Variants in MACROD2 observed in about 807,000 individuals in gnomAD.
MACROD2 encodes the protein mono-ADP ribosylhydrolase 2.
Under a neutral mutation model 70.4 loss-of-function variants are expected in MACROD2, and 36 were observed. The ratio of observed to expected loss-of-function variants is 0.51; its 90% CI spans 0.39 to 0.68. The LOEUF (loss-of-function observed/expected upper bound fraction) is 0.68. Among genes scored for constraint, MACROD2 ranks in the 30% least tolerant of loss-of-function variants. The pLI, the probability that MACROD2 is intolerant of heterozygous loss-of-function variation, is 0.00. For synonymous variants in MACROD2, 172 were observed against 178.8 expected, an observed-to-expected ratio of 0.96 and a Z score of 0.30; for missense variants, 496 against 538.4, an observed-to-expected ratio of 0.92 and a Z score of 0.78.
intron 5 of MACROD2, among the ~76,000 whole-genome samples, chr20:14,899,721 G>A (rs996181160): frequency 4.6e-5 from 7 of 152,118 alleles, no homozygotes; most frequent in Admixed American, 1.3e-4. Context: ...GGGGGAACAC[G>A]ATTCAACCCA....
chr20:14,173,048 A>G (rs1173741531), intron 3 of MACROD2, among the ~76,000 whole-genome samples: 1 of 152,166 alleles, frequency 6.6e-6, no homozygotes, highest in African/African-American at 2.4e-5. Flanking sequence ...TAGTTACCTG[A>G]TGCTTTTGCC....
intron 7 of MACROD2, among the ~76,000 whole-genome samples, chr20:15,450,435 T>A (rs927476435): frequency 3.9e-5 from 6 of 152,188 alleles, no homozygotes; most frequent in African/African-American, 9.6e-5. Context: ...TATAAGGTAA[T>A]TTTTTATGAT....
At chr20:14,374,618 A>G (rs1002737396) in intron 3 of MACROD2, among the ~76,000 whole-genome samples, 1 of 152,138 alleles carries the variant, frequency 6.6e-6, no homozygotes, top group Non-Finnish European at 1.5e-5. Context: ...AGAACTTGCA[A>G]TATTGGGCTG....
intron 5 of MACROD2, among the ~76,000 whole-genome samples, chr20:14,931,813 C>T (rs915568897): frequency 4.1e-5 from 6 of 144,858 alleles, no homozygotes; most frequent in Admixed American, 3.6e-4. Flanking sequence ...GTCTGGGCAA[C>T]ATAACAAGAC....
chr20:15,540,307 A>G (rs2047938233), intron 8 of MACROD2, among the ~76,000 whole-genome samples: 1 of 152,196 alleles, frequency 6.6e-6, no homozygotes, highest in Non-Finnish European at 1.5e-5. Flanking sequence ...CATGTATCCT[A>G]CAGTGTGCAA....
chr20:15,112,683 A>T (rs1042120060), intron 5 of MACROD2, among the ~76,000 whole-genome samples: 1 of 152,178 alleles, frequency 6.6e-6, no homozygotes, highest in Non-Finnish European at 1.5e-5. Flanking sequence ...TTAAGTGTGC[A>T]GTTTGTGGCA....
intron 8 of MACROD2, among the ~76,000 whole-genome samples, chr20:15,834,618 C>T (rs568081780): frequency 1.3e-5 from 2 of 152,266 alleles, no homozygotes; most frequent in South Asian, 4.1e-4. Context: ...CGACTGACTC[C>T]TCTACTTAAC....
At chr20:15,159,247 A>G (rs2076330531) in intron 5 of MACROD2, among the ~76,000 whole-genome samples, 2 of 152,122 alleles carry the variant, frequency 1.3e-5, no homozygotes, top group Non-Finnish European at 2.9e-5. Flanking sequence ...TTTGTTGTAT[A>G]ACGAAAGTAT....
In MACROD2 at chr20:14,066,334, A is replaced by G. The variant is rs78232640; in HGVS notation, c.164-19287A>G. Among the ~76,000 whole-genome samples the G allele has an allele frequency of 6.6e-5, 10 of 152,334 alleles. No homozygotes were observed. In the East Asian group the frequency reaches 1.5e-3, roughly 24 times the overall value. Reference sequence around the variant, plus strand: ...TTTACTATATATCTTATTCTCTGCTAGACCCTGTAAAATCTTGGTATGTTA... The same window carrying G: ...TTTACTATATATCTTATTCTCTGCTGGACCCTGTAAAATCTTGGTATGTTA... On this transcript the variant is annotated intron_variant, in intron 2 of 17. Transcript: ENST00000684519.
At chr20:15,326,545 C>T (rs965226907) in intron 6 of MACROD2, among the ~76,000 whole-genome samples, 1 of 152,028 alleles carries the variant, frequency 6.6e-6, no homozygotes, top group African/African-American at 2.4e-5. Flanking sequence ...AGATAAATTC[C>T]CTATAACCAT....
chr20:14,629,142 G>T (rs1460465995), intron 4 of MACROD2, among the ~76,000 whole-genome samples: 1 of 151,664 alleles, frequency 6.6e-6, no homozygotes, highest in Non-Finnish European at 1.5e-5. Context: ...TGTCCTAGAG[G>T]ACTTTTGTGT....
chr20:14,767,630 CTT>C (rs2072108166), intron 5 of MACROD2, among the ~76,000 whole-genome samples: 1 of 151,704 alleles, frequency 6.6e-6, no homozygotes, highest in Non-Finnish European at 1.5e-5. Context: ...GTCTAATTTA[CTT>C]TCTTTCTTTT....
chr20:14,889,320 G>A (rs1350427713), intron 5 of MACROD2, among the ~76,000 whole-genome samples: 2 of 152,080 alleles, frequency 1.3e-5, no homozygotes, highest in African/African-American at 4.8e-5. Context: ...TTAGCAGGGA[G>A]GTAGGGGCAG....
intron 5 of MACROD2, among the ~76,000 whole-genome samples, chr20:14,780,350 G>A (rs1568791492): frequency 6.6e-6 from 1 of 152,002 alleles, no homozygotes. Flanking sequence ...ATCACCTGAG[G>A]TCAGGGGTTC....
intron 5 of MACROD2, among the ~76,000 whole-genome samples, chr20:15,223,656 T>C (rs897782149): frequency 6.6e-6 from 1 of 152,236 alleles, no homozygotes; most frequent in African/African-American, 2.4e-5. Flanking sequence ...AAAGTTTTAA[T>C]CATCTCAGCC....
At chr20:15,642,597 AACACACACACACACACACACAC>A (rs56698663) in intron 8 of MACROD2, among the ~76,000 whole-genome samples, 118 of 147,108 alleles carry the variant, frequency 8.0e-4, no homozygotes, top group Non-Finnish European at 1.1e-3. Flanking sequence ...ACCTGTCATG[AACACACACACACACACACACAC>A]ACACACACAC....
At chr20:14,497,391 G>A (rs1261137378) in intron 4 of MACROD2, among the ~76,000 whole-genome samples, 2 of 151,616 alleles carry the variant, frequency 1.3e-5, no homozygotes, top group African/African-American at 4.9e-5. Context: ...GGAATATATA[G>A]TAAAATATAA....
intron 8 of MACROD2, among the ~76,000 whole-genome samples, chr20:15,745,046 G>A (rs978987379): frequency 2.0e-5 from 3 of 152,026 alleles, no homozygotes; most frequent in Non-Finnish European, 4.4e-5. Flanking sequence ...TACTTATAAC[G>A]TTTAAGTTTA....
intron 8 of MACROD2, among the ~76,000 whole-genome samples, chr20:15,585,304 T>A (rs567822262): frequency 6.6e-6 from 1 of 151,988 alleles, no homozygotes; most frequent in East Asian, 1.9e-4. Context: ...TTCAAGCAAT[T>A]CTCTGCCTCA....
Sources: allele counts gnomAD v4.1 joint callset (sites outside exome capture counted in the v4.1 genomes callset), GRCh38; gene constraint gnomAD v4.1.1; transcripts MANE v1.5; gene names NCBI Gene and HGNC (gene_info 2026-07-23, HGNC 2026-07-21).